The following NME9 variants were observed in gnomAD, a reference collection of about 807,000 sequenced individuals.
NME9 encodes NME/NM23 family member 9.
In NME9, 48 loss-of-function variants were observed where a neutral mutation model predicts 44.4. The observed-to-expected ratio is 1.08, with a 90% confidence interval of 0.86 to 1.37. The LOEUF (loss-of-function observed/expected upper bound fraction) is 1.37, where lower values mean the gene tolerates loss of function less well. Among genes scored for constraint, NME9 ranks in the 40% most tolerant of loss-of-function variants. The pLI is 0.00. For synonymous variants in NME9, 139 were observed against 147.1 expected, an observed-to-expected ratio of 0.94 and a Z score of 0.40; for missense variants, 325 against 405.2, an observed-to-expected ratio of 0.80 and a Z score of 1.70.
chr3:138,298,315 T>A (rs2051662257), downstream of NME9: 1 of 152,252 alleles, frequency 6.6e-6, no homozygotes, highest in Non-Finnish European at 1.5e-5. Context: ...TACATGTTCT[T>A]CTGGTAGTGT....
At chr3:138,324,596 T>C in intron 2 of NME9, 1 of 536,764 alleles carries the variant, frequency 1.9e-6, no homozygotes, top group East Asian at 4.7e-5. Flanking sequence ...CTTTAGTGCC[T>C]GAAGTAATTA....
intron 4 of NME9, among the ~76,000 whole-genome samples, chr3:138,316,023 G>A (rs1009660855): frequency 2.0e-5 from 3 of 152,034 alleles, no homozygotes; most frequent in East Asian, 1.9e-4. Flanking sequence ...TAGTAGAGAC[G>A]GGGTTTCACC....
chr3:138,264,276 T>C (rs2048035845), intron 8 of NME9: 1 of 1,269,570 alleles, frequency 7.9e-7, no homozygotes. Flanking sequence ...CTGAGCTAGC[T>C]AACACTACTC....
rs1001127322 is a variant in NME9, at chr3:138,272,855, G to C, written c.746-10269C>G. On this transcript the variant is annotated intron_variant, in intron 8 of 8. Transcript: ENST00000317876. ...CCACTGCACACCAGCCTGGGCGACA[G>C]AGCAAGACTCTGTCTCAAAAAAATA... 5 of 1,009,808 alleles carry C rather than the reference G, an allele frequency of 5.0e-6. No homozygotes were observed. In the African/African-American group the frequency reaches 6.7e-5, roughly 13 times the overall value. The allele number at this position is 1,009,808 out of a possible 1,614,324, so 62.6% of individuals were successfully genotyped here.
chr3:138,324,397 T>A (rs1297097245), intron 2 of NME9: 1 of 451,794 alleles, frequency 2.2e-6, no homozygotes, highest in Non-Finnish European at 4.5e-6. Flanking sequence ...TGTAAAGCAC[T>A]AAGTTTCTGG....
At chr3:138,308,995 G>A (rs1186675124) in intron 6 of NME9, among the ~76,000 whole-genome samples, 3 of 145,312 alleles carry the variant, frequency 2.1e-5, no homozygotes, top group Admixed American at 2.1e-4. Flanking sequence ...ACTGTACCCA[G>A]CAAAGCTATC....
Position 138,324,872 on chromosome 3 carries a change from C to G in NME9, c.91+1G>C, listed in dbSNP as rs146272669. 1.2e-6 allele frequency: 2 copies of G among 1,608,630 alleles called. No individual in the cohort carries two copies. Among genetic ancestry groups the G allele is most frequent in the Non-Finnish European group, 1.7e-6 (2 of 1,175,340 alleles). ...TAAAAAGTTATTTTACTTTGAATTA[C>G]CAGTTAGTCCTTTGGAACTGAGCAT... is the stretch of plus-strand genomic sequence containing the variant. On this transcript the variant is annotated splice_donor_variant, in intron 2 of 10. Coordinates refer to ENST00000333911, the MANE Select transcript of NME9 (RefSeq NM_001349018.2). LOFTEE classifies it high-confidence loss of function.
At chr3:138,262,319 A>T in exon 9 of NME9, 1 of 543,964 alleles carries the variant, frequency 1.8e-6, no homozygotes, top group Non-Finnish European at 3.2e-6. Context: ...GTCTAGGGCG[A>T]GGAGTAGATC....
intron 8 of NME9, among the ~76,000 whole-genome samples, chr3:138,278,634 A>G (rs1454678885): frequency 6.6e-6 from 1 of 152,190 alleles, no homozygotes; most frequent in Admixed American, 6.5e-5. Flanking sequence ...TATTGTATTT[A>G]TAAATAAATT....
intron 8 of NME9, among the ~76,000 whole-genome samples, chr3:138,281,658 C>T (rs948823599): frequency 1.3e-5 from 2 of 152,112 alleles, no homozygotes; most frequent in Non-Finnish European, 2.9e-5. Context: ...TTATGAGCTT[C>T]AAAACAGAAC....
chr3:138,317,274 A>C (rs558533960), intron 4 of NME9, among the ~76,000 whole-genome samples: 1 of 152,360 alleles, frequency 6.6e-6, no homozygotes, highest in Admixed American at 6.5e-5. Flanking sequence ...TTTTATCATA[A>C]GTTTCCAATT....
At chr3:138,314,910 T>C (rs186062588) in intron 5 of NME9, among the ~76,000 whole-genome samples, 3 of 152,292 alleles carry the variant, frequency 2.0e-5, no homozygotes, top group African/African-American at 7.2e-5. Context: ...ACAATGAACA[T>C]GGAATGGTGT....
At chr3:138,318,583 C>G (rs566069773) in intron 3 of NME9, among the ~76,000 whole-genome samples, 42 of 152,072 alleles carry the variant, frequency 2.8e-4, no homozygotes, top group African/African-American at 9.2e-4. Flanking sequence ...TAAGAGATCC[C>G]CCACGCAAGC....
At chr3:138,318,722 A>C (rs1360168323) in intron 3 of NME9, among the ~76,000 whole-genome samples, 1 of 152,194 alleles carries the variant, frequency 6.6e-6, no homozygotes, top group Non-Finnish European at 1.5e-5. Context: ...ACTGCCTATG[A>C]ACCTCAAACC....
At chr3:138,312,244 T>C (rs1411068169) in intron 6 of NME9, among the ~76,000 whole-genome samples, 1 of 152,098 alleles carries the variant, frequency 6.6e-6, no homozygotes, top group Non-Finnish European at 1.5e-5. Flanking sequence ...CCAAAGACAT[T>C]CTTCTCAGAA....
At chr3:138,318,530 A>G (rs891778324) in intron 3 of NME9, among the ~76,000 whole-genome samples, 8 of 152,000 alleles carry the variant, frequency 5.3e-5, no homozygotes, top group Non-Finnish European at 1.2e-4. Flanking sequence ...GAAGGTCCTC[A>G]GGCACCACCT....
intron 6 of NME9, among the ~76,000 whole-genome samples, chr3:138,307,353 C>G (rs1347164342): frequency 6.6e-6 from 1 of 152,182 alleles, no homozygotes; most frequent in African/African-American, 2.4e-5. Flanking sequence ...CTCCATTGTC[C>G]TCCTGCTTAT....
chr3:138,300,373 C>G (rs978235762), downstream of NME9, among the ~76,000 whole-genome samples: 2 of 152,210 alleles, frequency 1.3e-5, no homozygotes, highest in Non-Finnish European at 2.9e-5. Context: ...AAAATGTCCT[C>G]TGGGAGCTAA....
intron 9 of NME9, among the ~76,000 whole-genome samples, 197 bp downstream of exon 9, chr3:138,304,676 C>T (rs994114113): frequency 3.3e-5 from 5 of 152,186 alleles, no homozygotes; most frequent in African/African-American, 1.2e-4. Context: ...AAGCAGCTTA[C>T]AGGAGGCCCT....
Sources: allele counts gnomAD v4.1 joint callset (sites outside exome capture counted in the v4.1 genomes callset), GRCh38; gene constraint gnomAD v4.1.1; transcripts MANE v1.5; gene names NCBI Gene and HGNC (gene_info 2026-07-23, HGNC 2026-07-21).